GPC6: variants seen among roughly 807,000 people sequenced by gnomAD.
GPC6 encodes the protein glypican-6.
GPC6 carries 14 observed loss-of-function variants against 55.2 expected under a neutral mutation model. The observed-to-expected ratio is 0.25, with a 90% CI of 0.17 to 0.40. GPC6 has a LOEUF of 0.40. Among genes scored for constraint, GPC6 ranks in the 10% least tolerant of loss-of-function variants. The probability of loss-of-function intolerance (pLI) is 1.00; values close to 1 mark genes in which losing one functional copy is unlikely to be tolerated. For missense variants in GPC6, 641 were observed against 708.5 expected, an observed-to-expected ratio of 0.90 and a Z score of 1.08; for synonymous variants, 278 against 259.6, an observed-to-expected ratio of 1.07 and a Z score of -0.68.
In GPC6 at chr13:93,446,460, C is replaced by T. The variant is rs182942976; in HGVS notation, c.161-98803C>T. The stretch of plus-strand genomic sequence containing the variant: ...CTAGATAGGAGGGTATTAGTAGCTG[C>T]TAGGATCATCAATTTAGCTAGAATA... On this transcript the variant is annotated intron_variant, in intron 1 of 8. Transcript: ENST00000377047. 1.5e-3 allele frequency among the ~76,000 whole-genome samples: 227 copies of T among 151,722 alleles called. 1 individual carries two copies. The highest frequency in any genetic ancestry group is 5.0e-3 in the African/African-American group (209 of 41,492).
chr13:94,310,483 A>G (rs1566660771), intron 6 of GPC6, among the ~76,000 whole-genome samples: 1 of 152,200 alleles, frequency 6.6e-6, no homozygotes, highest in Non-Finnish European at 1.5e-5. Flanking sequence ...GCTATTATGT[A>G]TAGAATAATC....
At chr13:93,490,258 A>G (rs904891753) in intron 1 of GPC6, among the ~76,000 whole-genome samples, 4 of 151,396 alleles carry the variant, frequency 2.6e-5, no homozygotes, top group African/African-American at 9.7e-5. Context: ...CTGTTTACCA[A>G]ATTAAAATTA....
upstream of GPC6, among the ~76,000 whole-genome samples, chr13:93,224,001 G>C (rs1164037219): frequency 7.0e-6 from 1 of 142,806 alleles, no homozygotes; most frequent in Non-Finnish European, 1.5e-5. Context: ...CCGGGTTCTC[G>C]CCATTCTCCT....
intron 1 of GPC6, among the ~76,000 whole-genome samples, chr13:93,451,374 A>C (rs1282034681): frequency 6.6e-6 from 1 of 152,236 alleles, no homozygotes; most frequent in Admixed American, 6.5e-5. Flanking sequence ...TTGGCAGACT[A>C]TGGCCTGTGG....
intron 1 of GPC6, among the ~76,000 whole-genome samples, chr13:93,347,649 T>A (rs544438752): frequency 6.6e-5 from 10 of 152,290 alleles, no homozygotes; most frequent in African/African-American, 2.4e-4. Flanking sequence ...TCTTTAGAAA[T>A]GGTGCACTTG....
intron 4 of GPC6, among the ~76,000 whole-genome samples, chr13:94,141,825 A>G (rs1009162548): frequency 2.0e-5 from 3 of 152,214 alleles, no homozygotes; most frequent in African/African-American, 7.2e-5. Context: ...TAGATGTTCA[A>G]TGCACTCACT....
At chr13:94,013,281 T>C (rs1882323089) in intron 3 of GPC6, among the ~76,000 whole-genome samples, 1 of 152,176 alleles carries the variant, frequency 6.6e-6, no homozygotes, top group Non-Finnish European at 1.5e-5. Context: ...TACTCCAGTC[T>C]TTCACATGAT....
chr13:93,646,118 G>A (rs541521718), intron 2 of GPC6, among the ~76,000 whole-genome samples: 38 of 152,042 alleles, frequency 2.5e-4, no homozygotes, highest in African/African-American at 9.2e-4. Context: ...TATAATTCAG[G>A]AATAAAAAGA....
intron 3 of GPC6, among the ~76,000 whole-genome samples, chr13:93,893,225 A>C (rs1875794606): frequency 6.6e-6 from 1 of 151,864 alleles, no homozygotes; most frequent in African/African-American, 2.4e-5. Flanking sequence ...ACGCGTGGCT[A>C]ATTTTTGTAT....
At chr13:93,880,895 A>AC (rs1417356603) in intron 3 of GPC6, among the ~76,000 whole-genome samples, 1 of 151,414 alleles carries the variant, frequency 6.6e-6, no homozygotes, top group African/African-American at 2.4e-5. Flanking sequence ...TAAAAAAAAA[A>AC]GCAAGAAAGA....
At chr13:93,647,552 A>G (rs1397176262) in intron 2 of GPC6, among the ~76,000 whole-genome samples, 2 of 152,166 alleles carry the variant, frequency 1.3e-5, no homozygotes, top group Non-Finnish European at 2.9e-5. Context: ...TGAGGCCTGC[A>G]GAGACCAGAC....
intron 2 of GPC6, among the ~76,000 whole-genome samples, chr13:93,583,565 T>A (rs1321494048): frequency 1.3e-5 from 2 of 152,076 alleles, no homozygotes; most frequent in African/African-American, 4.8e-5. Context: ...TACAGGCGCC[T>A]GCCACCACAC....
At chr13:93,425,824 T>G (rs12854387) in intron 1 of GPC6, among the ~76,000 whole-genome samples, 38,326 of 152,052 alleles carry the variant, frequency 0.25, 4,817 homozygotes, top group Middle Eastern at 0.29. Flanking sequence ...CAAAGCACAT[T>G]ACAAGGCAAA....
chr13:93,575,795 A>G (rs1876635396), intron 2 of GPC6, among the ~76,000 whole-genome samples: 1 of 152,178 alleles, frequency 6.6e-6, no homozygotes, highest in Non-Finnish European at 1.5e-5. Flanking sequence ...TAAAATTTAA[A>G]AATCAATCAG....
chr13:93,425,850 C>G (rs953041499), intron 1 of GPC6, among the ~76,000 whole-genome samples: 1 of 152,196 alleles, frequency 6.6e-6, no homozygotes, highest in Non-Finnish European at 1.5e-5. Context: ...CAAATACAGA[C>G]AGCTCTGGCT....
chr13:93,700,450 A>C (rs945334799), intron 2 of GPC6, among the ~76,000 whole-genome samples: 9 of 152,104 alleles, frequency 5.9e-5, no homozygotes, highest in Admixed American at 5.2e-4. Flanking sequence ...TTACAGAAGC[A>C]CTAACCCTGA....
At chr13:94,349,559 T>C (rs554639009) in intron 6 of GPC6, among the ~76,000 whole-genome samples, 3 of 152,312 alleles carry the variant, frequency 2.0e-5, no homozygotes, top group Middle Eastern at 3.4e-3. Flanking sequence ...TCCACTGACT[T>C]TTCCAGCTTC....
intron 1 of GPC6, among the ~76,000 whole-genome samples, chr13:93,529,012 A>G (rs1251965100): frequency 2.0e-5 from 3 of 152,122 alleles, no homozygotes; most frequent in Admixed American, 6.5e-5. Context: ...AAAGTATCAC[A>G]AAGTGATACT....
At chr13:94,276,781 A>G (rs1313884123) in intron 4 of GPC6, among the ~76,000 whole-genome samples, 2 of 152,116 alleles carry the variant, frequency 1.3e-5, no homozygotes, top group African/African-American at 4.8e-5. Context: ...ATTCCTTTTT[A>G]TGACTGCATA....
Sources: gnomAD v4.1 joint callset for allele counts (sites outside exome capture counted in the v4.1 genomes callset) on GRCh38, gnomAD v4.1.1 for gene constraint, MANE v1.5 for transcripts, NCBI Gene and HGNC (gene_info 2026-07-23, HGNC 2026-07-21) for gene names.